TRPM3: variants seen among roughly 807,000 people sequenced by gnomAD.
TRPM3 encodes transient receptor potential cation channel subfamily M member 3, also known as long transient receptor potential channel 3.
In TRPM3, 77 loss-of-function variants were observed where a neutral mutation model predicts 181.2. The observed-to-expected ratio is 0.42, with a 90% CI of 0.35 to 0.51. The LOEUF (loss-of-function observed/expected upper bound fraction) is 0.51. TRPM3 is among the 20% of genes least tolerant of loss of function. The pLI, the probability that TRPM3 is intolerant of heterozygous loss-of-function variation, is 0.01. For synonymous variants in TRPM3, 745 were observed against 796.4 expected, an observed-to-expected ratio of 0.94 and a Z score of 1.09; for missense variants, 1,759 against 2,196.7, an observed-to-expected ratio of 0.80 and a Z score of 3.98.
intron 1 of TRPM3, among the ~76,000 whole-genome samples, chr9:71,282,414 AAG>A (rs2084916009): frequency 9.9e-6 from 1 of 100,606 alleles, no homozygotes; most frequent in Admixed American, 9.5e-5. Flanking sequence ...AAGAAAGAAA[AAG>A]AAAAAGAAAG....
rs183176769 is a variant in TRPM3 at position 71,311,188 on chromosome 9, T to C, written c.183+135465A>G. On this transcript the variant is annotated intron_variant, in intron 1 of 24. Coordinates refer to the TRPM3 transcript ENST00000357533. ...CTGCAGAAATCAATGGTTTAAAAAA[T>C]TGTGCACAAAGTGAAAACAAATTCT... Among the ~76,000 whole-genome samples the C allele has an allele frequency of 1.4e-3, 206 of 152,252 alleles. 6 individuals are homozygous for C. The East Asian group carries it at 0.029, about 21-fold the overall frequency.
At chr9:71,337,964 G>A (rs2090677919) in intron 1 of TRPM3, among the ~76,000 whole-genome samples, 1 of 152,010 alleles carries the variant, frequency 6.6e-6, no homozygotes, top group African/African-American at 2.4e-5. Context: ...GAGAGCATTA[G>A]GAGAAATACC....
rs745870825 is a variant in TRPM3 at position 70,794,629 on chromosome 9, T to C, written c.974-10350A>G. On this transcript the variant is annotated intron_variant, in intron 6 of 25. Coordinates refer to ENST00000677713, the MANE Select transcript of TRPM3 (RefSeq NM_001366145.2). ...TGCATCTGGGCAGAATCTTCTGTAT[T>C]CTCATTCTCAGTTTCTGCTTTCTAG... Among the ~76,000 whole-genome samples the C allele has an allele frequency of 3.9e-4, 60 of 152,190 alleles. 1 individual carries two copies. The highest frequency in any genetic ancestry group is 1.8e-4 in the Non-Finnish European group (12 of 68,040).
chr9:71,317,679 A>G (rs1377044155), intron 1 of TRPM3, among the ~76,000 whole-genome samples: 1 of 14,136 alleles, frequency 7.1e-5, no homozygotes, highest in Non-Finnish European at 4.4e-4. Flanking sequence ...ATATATATAT[A>G]CACACACACA....
At chr9:71,311,555 C>T (rs951894053) in intron 1 of TRPM3, among the ~76,000 whole-genome samples, 2 of 151,978 alleles carry the variant, frequency 1.3e-5, no homozygotes, top group African/African-American at 4.8e-5. Flanking sequence ...AACTGGATGT[C>T]CACATGCCAA....
At chr9:70,540,873 C>T (rs1172053411) in intron 25 of TRPM3, among the ~76,000 whole-genome samples, 2 of 152,172 alleles carry the variant, frequency 1.3e-5, no homozygotes, top group East Asian at 1.9e-4. Context: ...CAGGCATGCA[C>T]CACAACACCC....
intron 19 of TRPM3, among the ~76,000 whole-genome samples, chr9:70,608,024 C>CCAAT (rs1306418798): frequency 1.3e-5 from 2 of 152,230 alleles, no homozygotes; most frequent in Non-Finnish European, 2.9e-5. Context: ...TGTAACAAGA[C>CCAAT]CAATCACCGA....
At chr9:71,075,743 T>C (rs2063364030) in intron 1 of TRPM3, among the ~76,000 whole-genome samples, 1 of 152,208 alleles carries the variant, frequency 6.6e-6, no homozygotes, top group African/African-American at 2.4e-5. Flanking sequence ...CAAAATGTTT[T>C]CTTATTCCAA....
intron 1 of TRPM3, among the ~76,000 whole-genome samples, chr9:71,259,997 G>A (rs776640865): frequency 6.6e-6 from 1 of 151,974 alleles, no homozygotes; most frequent in Admixed American, 6.6e-5. Flanking sequence ...TTCCTTCTAG[G>A]GTTTTTACGG....
chr9:70,559,798 A>G (rs745335573), intron 22 of TRPM3, among the ~76,000 whole-genome samples: 7 of 152,070 alleles, frequency 4.6e-5, no homozygotes, highest in Non-Finnish European at 8.8e-5. Context: ...TACCTGCCCT[A>G]TACCACCTCA....
intron 5 of TRPM3, among the ~76,000 whole-genome samples, chr9:70,839,524 C>G (rs1358291445): frequency 1.3e-5 from 2 of 152,158 alleles, no homozygotes; most frequent in Non-Finnish European, 2.9e-5. Flanking sequence ...CTTGAATGTT[C>G]AGTTTCTAAA....
chr9:70,866,697 T>C (rs2095657176), intron 1 of TRPM3, among the ~76,000 whole-genome samples: 1 of 151,982 alleles, frequency 6.6e-6, no homozygotes, highest in Admixed American at 6.6e-5. Context: ...TAACAAGATA[T>C]ATAGGAAGCT....
chr9:71,108,271 C>A (rs756198687), intron 1 of TRPM3, among the ~76,000 whole-genome samples: 1 of 152,112 alleles, frequency 6.6e-6, no homozygotes, highest in Non-Finnish European at 1.5e-5. Context: ...AGAGTGAAAT[C>A]ATAGTTTTAG....
chr9:71,110,879 CAT>C (rs1235192817), intron 1 of TRPM3, among the ~76,000 whole-genome samples: 1 of 152,166 alleles, frequency 6.6e-6, no homozygotes, highest in East Asian at 1.9e-4. Flanking sequence ...TGAATGCTCA[CAT>C]GAGCTAATGT....
intron 8 of TRPM3, among the ~76,000 whole-genome samples, chr9:70,693,951 T>C (rs149518285): frequency 6.6e-6 from 1 of 152,354 alleles, no homozygotes; most frequent in African/African-American, 2.4e-5. Context: ...TGAAGAACAC[T>C]AGAGACCAAC....
At chr9:71,350,532 G>A (rs2091564072) in intron 1 of TRPM3, among the ~76,000 whole-genome samples, 1 of 152,156 alleles carries the variant, frequency 6.6e-6, no homozygotes, top group Non-Finnish European at 1.5e-5. Flanking sequence ...GTAGTCTTAA[G>A]TTTGCATTTT....
Position 70,913,771 on chromosome 9 carries a change from T to C in TRPM3, c.178-49260A>G, listed in dbSNP as rs949475471. 2.0e-5 allele frequency among the ~76,000 whole-genome samples: 3 copies of C among 152,190 alleles called. No homozygotes were observed. In the East Asian group the frequency reaches 5.8e-4, roughly 29 times the overall value. ...GTAATACTCTGAGCAACTCAATGTC[T>C]CTCTCTGTATGTTCTTCCAGGAGTA... On this transcript the variant is annotated intron_variant, in intron 1 of 25. Transcript: ENST00000677713.
intron 1 of TRPM3, among the ~76,000 whole-genome samples, chr9:70,908,322 T>C (rs1398342612): frequency 6.6e-6 from 1 of 152,176 alleles, no homozygotes; most frequent in Non-Finnish European, 1.5e-5. Flanking sequence ...TTAAATAATA[T>C]TAAATCATTT....
chr9:71,116,577 G>A (rs1338904665), intron 1 of TRPM3, among the ~76,000 whole-genome samples: 3 of 152,130 alleles, frequency 2.0e-5, no homozygotes, highest in South Asian at 2.1e-4. Flanking sequence ...TTATAGAAGT[G>A]TAAAACATTA....
Sources: gnomAD v4.1 joint callset for allele counts (sites outside exome capture counted in the v4.1 genomes callset) on GRCh38, gnomAD v4.1.1 for gene constraint, MANE v1.5 for transcripts, NCBI Gene and HGNC (gene_info 2026-07-23, HGNC 2026-07-21) for gene names.